The following NETO1 variants were observed in gnomAD, a reference collection of about 807,000 sequenced individuals.
NETO1 encodes the protein neuropilin and tolloid like 1.
In NETO1, 26 loss-of-function variants were observed where a neutral mutation model predicts 61.3. That is an observed-to-expected ratio of 0.42 (90% CI 0.31 to 0.59). NETO1 has a LOEUF of 0.59. NETO1 is among the 20% of genes least tolerant of loss of function. The pLI, the probability that NETO1 is intolerant of heterozygous loss-of-function variation, is 0.12. For missense variants in NETO1, 531 were observed against 662.8 expected, an observed-to-expected ratio of 0.80 and a Z score of 2.18; for synonymous variants, 225 against 225.8, an observed-to-expected ratio of 1.00 and a Z score of 0.03.
chr18:72,852,833 CTTTTTTTT>C (rs71166431), intron 4 of NETO1, among the ~76,000 whole-genome samples: 1 of 132,286 alleles, frequency 7.6e-6, no homozygotes, highest in Non-Finnish European at 1.6e-5. Flanking sequence ...TTTTCTTTTT[CTTTTTTTT>C]TTTTTTTTTG....
intron 4 of NETO1, among the ~76,000 whole-genome samples, chr18:72,811,456 T>A (rs2072864057): frequency 6.6e-6 from 1 of 152,226 alleles, no homozygotes; most frequent in African/African-American, 2.4e-5. Context: ...ATCTCAATAA[T>A]TTCAATGAGT....
intron 4 of NETO1, among the ~76,000 whole-genome samples, chr18:72,797,654 C>A (rs1003323975): frequency 4.6e-5 from 7 of 152,142 alleles, no homozygotes; most frequent in Admixed American, 1.3e-4. Flanking sequence ...ACATGTAAAT[C>A]GAATCATGGA....
intron 7 of NETO1, among the ~76,000 whole-genome samples, chr18:72,762,652 T>C (rs890153073): frequency 6.6e-6 from 1 of 152,234 alleles, no homozygotes; most frequent in Non-Finnish European, 1.5e-5. Context: ...CACCTTTGCT[T>C]TGCTCTATTG....
At chr18:72,829,997 C>G (rs1313190694) in intron 4 of NETO1, among the ~76,000 whole-genome samples, 2 of 152,152 alleles carry the variant, frequency 1.3e-5, no homozygotes, top group Admixed American at 6.5e-5. Flanking sequence ...CAAAAAGAGA[C>G]ACAGACTCTT....
intron 4 of NETO1, among the ~76,000 whole-genome samples, chr18:72,833,119 GTTAT>G (rs1385041828): frequency 6.6e-6 from 1 of 152,128 alleles, no homozygotes; most frequent in Non-Finnish European, 1.5e-5. Flanking sequence ...CCATATATAT[GTTAT>G]TTAAATTCTC....
chr18:72,750,306 A>C lies in NETO1; in HGVS notation c.1297T>G (p.Cys433Gly). The change falls in exon 9 of 11, where the codon TGT (cysteine) becomes GGT (glycine). Residue 433 changes from cysteine to glycine, a missense_variant. By Grantham distance (159) the Cys-to-Gly change is radical. Transcript: ENST00000327305. Reference protein sequence around the residue: ...SSSKCIHDHHCGSQLSSTKGS... With the variant: ...SSSKCIHDHHGGSQLSSTKGS... The stretch of plus-strand genomic sequence containing the variant: ...TTAGTGCTGGACAGCTGTGATCCAC[A>C]GTGATGGTCATGAATGCATTTGGAA... 1 of 1,614,116 alleles carries C rather than the reference A, an allele frequency of 6.2e-7. No individual in the cohort carries two copies. Among genetic ancestry groups the C allele is most frequent in the Non-Finnish European group, 8.5e-7 (1 of 1,179,998 alleles).
At chr18:72,833,025 T>C (rs1481392192) in intron 4 of NETO1, among the ~76,000 whole-genome samples, 4 of 152,206 alleles carry the variant, frequency 2.6e-5, no homozygotes, top group African/African-American at 9.6e-5. Context: ...GAAAAATGGG[T>C]CATCAATTCA....
chr18:72,867,741 T>TG lies in NETO1; in HGVS notation c.-451dup, dbSNP rs1400081639. 1 of 146,736 alleles carries TG rather than the reference T, an allele frequency of 6.8e-6. No homozygotes were observed. Among genetic ancestry groups the TG allele is most frequent in the African/African-American group, 2.5e-5 (1 of 39,534 alleles). 9.1% of individuals were successfully genotyped at this position (146,736 alleles called of 1,614,324 possible). A position where few individuals can be genotyped will look rare whatever the true frequency, so the allele number is the denominator to read the frequency against. ...GGGCCGGGGAGAGGGCGCAGCGAGGTGGGGGCCAGTCCAGACCGACGGCAG... is the reference window on the plus strand; with the variant it reads ...GGGCCGGGGAGAGGGCGCAGCGAGGTGGGGGGCCAGTCCAGACCGACGGCAG... On this transcript the variant is annotated 5_prime_UTR_variant, in exon 1 of 11. Coordinates refer to ENST00000327305, the MANE Select transcript of NETO1 (RefSeq NM_138966.5).
At chr18:72,835,972 C>T (rs17086417) in intron 4 of NETO1, among the ~76,000 whole-genome samples, 2,992 of 152,264 alleles carry the variant, frequency 0.02, 105 homozygotes, top group African/African-American at 0.069. Context: ...AGTGATAACA[C>T]TGAGACGGGG....
chr18:72,852,510 C>T (rs556253588), intron 4 of NETO1, among the ~76,000 whole-genome samples: 10 of 152,204 alleles, frequency 6.6e-5, no homozygotes, highest in South Asian at 2.1e-4. Context: ...CCACCGTGCC[C>T]GGCCGGAAGA....
intron 7 of NETO1, among the ~76,000 whole-genome samples, chr18:72,761,455 T>C (rs2070969692): frequency 6.6e-6 from 1 of 152,084 alleles, no homozygotes; most frequent in Admixed American, 6.5e-5. Flanking sequence ...GTGTAAGATA[T>C]TTAGCTGTGA....
intron 4 of NETO1, among the ~76,000 whole-genome samples, chr18:72,795,066 C>T (rs2072263903): frequency 1.3e-5 from 2 of 152,192 alleles, no homozygotes; most frequent in African/African-American, 4.8e-5. Context: ...TCCTCGCAGT[C>T]AAGCCCAGGC....
chr18:72,793,825 G>A (rs2072220518), intron 6 of NETO1, among the ~76,000 whole-genome samples: 1 of 152,146 alleles, frequency 6.6e-6, no homozygotes, highest in African/African-American at 2.4e-5. Flanking sequence ...TAAGAGCCAC[G>A]GCTCTTGCAT....
intron 7 of NETO1, among the ~76,000 whole-genome samples, chr18:72,780,565 C>T (rs2071702353): frequency 6.6e-6 from 1 of 152,174 alleles, no homozygotes; most frequent in Non-Finnish European, 1.5e-5. Flanking sequence ...GATGATTCCT[C>T]TATACCGTTC....
Position 72,821,975 on chromosome 18 carries a change from G to A in NETO1, c.470-27571C>T, listed in dbSNP as rs542437705. Among the ~76,000 whole-genome samples the A allele has an allele frequency of 2.0e-5, 3 of 152,312 alleles. No individual in the cohort carries two copies. The South Asian group carries it at 6.2e-4, about 32-fold the overall frequency. ...CAAAAACTGCCCTATGCAGGTGGGA[G>A]TGGGGCCACTGAGGAGCAGAGAAGC... On this transcript the variant is annotated intron_variant, in intron 4 of 10. Coordinates refer to ENST00000327305, the MANE Select transcript of NETO1 (RefSeq NM_138966.5).
At chr18:72,782,814 T>A (rs937627234) in intron 7 of NETO1, among the ~76,000 whole-genome samples, 7 of 151,886 alleles carry the variant, frequency 4.6e-5, no homozygotes, top group African/African-American at 7.3e-5. Flanking sequence ...CAAAAAAAAA[T>A]AATAATAAAT....
chr18:72,837,024 T>G (rs2073773021), intron 4 of NETO1, among the ~76,000 whole-genome samples: 1 of 152,196 alleles, frequency 6.6e-6, no homozygotes, highest in Non-Finnish European at 1.5e-5. Context: ...AAAGGATAAG[T>G]CAAATATGTC....
chr18:72,842,710 A>G (rs1175526545), intron 4 of NETO1, among the ~76,000 whole-genome samples: 1 of 152,218 alleles, frequency 6.6e-6, no homozygotes, highest in African/African-American at 2.4e-5. Flanking sequence ...CAACATGTAA[A>G]AATCTCAGCT....
In NETO1 at chr18:72,782,570, C is replaced by T. The variant is rs540416053; in HGVS notation, c.868+1108G>A. Reference sequence around the variant, plus strand: ...CTCTAATCCCAGCACTTTGGGAGGCCGAGGCAGGCCGATCACCTGAGGTCA... The same window carrying T: ...CTCTAATCCCAGCACTTTGGGAGGCTGAGGCAGGCCGATCACCTGAGGTCA... On this transcript the variant is annotated intron_variant, in intron 7 of 10. Coordinates refer to ENST00000327305, the MANE Select transcript of NETO1 (RefSeq NM_138966.5). Among the ~76,000 whole-genome samples the T allele has an allele frequency of 2.2e-3, 340 of 152,148 alleles. 2 individuals carry two copies. The highest frequency in any genetic ancestry group is 7.7e-3 in the African/African-American group (320 of 41,514).
Sources: gnomAD v4.1 joint callset for allele counts (sites outside exome capture counted in the v4.1 genomes callset) on GRCh38, gnomAD v4.1.1 for gene constraint, MANE v1.5 for transcripts, NCBI Gene and HGNC (gene_info 2026-07-23, HGNC 2026-07-21) for gene names.